The following PRKRA variants were observed in gnomAD, a reference collection of about 807,000 sequenced individuals.
PRKRA encodes the protein interferon-inducible double-stranded RNA-dependent protein kinase activator A.
PRKRA carries 22 observed loss-of-function variants against 32.4 expected under a neutral mutation model. The observed-to-expected ratio is 0.68, with a 90% confidence interval of 0.49 to 0.97. The LOEUF is 0.97. Ranked by LOEUF, PRKRA falls within the 50% of genes least tolerant of loss-of-function variation. The probability of loss-of-function intolerance (pLI) is 0.00; values close to 1 mark genes in which losing one functional copy is unlikely to be tolerated. For synonymous variants in PRKRA, 139 were observed against 129.8 expected (o/e 1.07, Z -0.48); for missense variants, 319 against 375.6 (o/e 0.85, Z 1.25).
chr2:178,433,002 G>A (rs535685180), intron 7 of PRKRA, among the ~76,000 whole-genome samples: 8 of 152,174 alleles, frequency 5.3e-5, no homozygotes, highest in Non-Finnish European at 8.8e-5. Flanking sequence ...AAACGTGTGC[G>A]GTATGATTTA....
At chr2:178,438,683 T>A (rs1421158760) in intron 6 of PRKRA, among the ~76,000 whole-genome samples, 1 of 146,914 alleles carries the variant, frequency 6.8e-6, no homozygotes, top group Non-Finnish European at 1.5e-5. Flanking sequence ...GCTGGTAGGT[T>A]TTTTTTTTTT....
chr2:178,450,774 CG>C (rs1383436916), intron 1 of PRKRA, 191 bp downstream of exon 1: 18 of 1,346,836 alleles, frequency 1.3e-5, no homozygotes, highest in Non-Finnish European at 1.7e-5. Flanking sequence ...CCAGGGACCA[CG>C]AGAGGGGCGG....
intron 2 of PRKRA, among the ~76,000 whole-genome samples, chr2:178,447,913 T>C (rs992435339): frequency 6.6e-5 from 10 of 152,238 alleles, no homozygotes; most frequent in Non-Finnish European, 1.5e-4. Flanking sequence ...GTAGACCGTG[T>C]CACACCTCTG....
At chr2:178,435,287 G>A (rs1696840089) in intron 7 of PRKRA, among the ~76,000 whole-genome samples, 1 of 149,866 alleles carries the variant, frequency 6.7e-6, no homozygotes, top group South Asian at 2.1e-4. Context: ...GGAGACTGAA[G>A]CAGGAGGATC....
chr2:178,439,590 G>A (rs1249853243), intron 6 of PRKRA: 1 of 151,980 alleles, frequency 6.6e-6, no homozygotes, highest in African/African-American at 2.4e-5. Context: ...ACTTCGTACT[G>A]TTTTCTCTTG....
In PRKRA at chr2:178,451,051, C is replaced by G; in HGVS notation, c.-21G>C. ...GACATGGCGAGAAGGGACGGCTCAGCGGCTGGAGGAAGAGCGGTGCGGAGC... is the reference window on the plus strand; with the variant it reads ...GACATGGCGAGAAGGGACGGCTCAGGGGCTGGAGGAAGAGCGGTGCGGAGC... On this transcript the variant is annotated 5_prime_UTR_variant, in exon 1 of 8. Transcript: ENST00000325748. The G allele has an allele frequency of 6.4e-7, 1 of 1,553,874 alleles. No individual in the cohort carries two copies. The highest frequency in any genetic ancestry group is 8.7e-7 in the Non-Finnish European group (1 of 1,155,058).
At chr2:178,437,887 T>A (rs1401836896) in intron 6 of PRKRA, among the ~76,000 whole-genome samples, 1 of 152,204 alleles carries the variant, frequency 6.6e-6, no homozygotes, top group Non-Finnish European at 1.5e-5. Context: ...TTTCTCTTTT[T>A]TAAGAGTTAG....
chr2:178,448,555 G>A (rs1213525517), intron 2 of PRKRA, among the ~76,000 whole-genome samples: 1 of 151,946 alleles, frequency 6.6e-6, no homozygotes, highest in Non-Finnish European at 1.5e-5. Flanking sequence ...TCATGCCACT[G>A]CACTCTAGCC....
At position 178,450,541 on chromosome 2, in the gene PRKRA, G is replaced by A. The variant is rs950076765; in HGVS notation, c.66-130C>T. 3.3e-5 allele frequency: 52 copies of A among 1,558,406 alleles called. No homozygotes were observed. In the Middle Eastern group the frequency reaches 9.2e-4, roughly 28 times the overall value. On this transcript the variant is annotated intron_variant, in intron 1 of 7. Transcript: ENST00000325748. Reference sequence around the variant, plus strand: ...GAGTTCCCCGGAGGCCAGGGCCAGAGCTGGCGAGGCTGGGGCGCACCTGTC... The same window carrying A: ...GAGTTCCCCGGAGGCCAGGGCCAGAACTGGCGAGGCTGGGGCGCACCTGTC...
At chr2:178,450,923 C>G (rs759475114) in intron 1 of PRKRA, 43 bp downstream of exon 1, 1 of 1,151,076 alleles carries the variant, frequency 8.7e-7, no homozygotes, top group African/African-American at 1.9e-5. Flanking sequence ...GCCCTGCCGC[C>G]CAACGCTCCC....
At chr2:178,445,331 A>C (rs1317246772) in intron 3 of PRKRA, 2 of 151,784 alleles carry the variant, frequency 1.3e-5, no homozygotes, top group African/African-American at 4.8e-5. Context: ...ATGACAAATG[A>C]GGTTTAGTTA....
In PRKRA at chr2:178,447,677, T is replaced by C. The variant is rs945090256; in HGVS notation, c.236-91A>G. ...TTCAATACACAAAACAAAGTCACTA[T>C]AGATTTTACATACACATACTAGGTA... On this transcript the variant is annotated intron_variant, in intron 2 of 7. Coordinates refer to ENST00000325748, the MANE Select transcript of PRKRA (RefSeq NM_003690.5). 11 of 1,434,168 alleles carry C rather than the reference T, an allele frequency of 7.7e-6. No individual in the cohort carries two copies. In the African/African-American group the frequency reaches 1.1e-4, roughly 15 times the overall value. 88.8% of individuals were successfully genotyped at this position (1,434,168 alleles called of 1,614,324 possible).
intron 1 of PRKRA, 144 bp downstream of exon 1, chr2:178,450,822 G>A (rs1697581565): frequency 7.4e-7 from 1 of 1,359,100 alleles, no homozygotes; most frequent in East Asian, 3.1e-5. Flanking sequence ...CCGCCGAGAG[G>A]GCGGGGCCGA....
At chr2:178,446,853 C>T (rs1368146550) in intron 3 of PRKRA, among the ~76,000 whole-genome samples, 8 of 151,632 alleles carry the variant, frequency 5.3e-5, no homozygotes, top group African/African-American at 1.5e-4. Flanking sequence ...ATTAGCTGGG[C>T]GTAGTGGCGG....
Sources: gnomAD v4.1 joint callset for allele counts (sites outside exome capture counted in the v4.1 genomes callset) on GRCh38, gnomAD v4.1.1 for gene constraint, MANE v1.5 for transcripts, NCBI Gene and HGNC (gene_info 2026-07-23, HGNC 2026-07-21) for gene names.